CCDC50: variants seen among roughly 807,000 people sequenced by gnomAD.
CCDC50 encodes the protein coiled-coil domain-containing protein 50.
In CCDC50, 54 loss-of-function variants were observed where a neutral mutation model predicts 70.2. That is an observed-to-expected ratio of 0.77 (90% CI 0.62 to 0.96). The LOEUF (loss-of-function observed/expected upper bound fraction) is 0.96, where lower values mean the gene tolerates loss of function less well. CCDC50 is among the 50% of genes least tolerant of loss of function. CCDC50 has a pLI of 0.00. For missense variants in CCDC50, 558 were observed against 578.7 expected (o/e 0.96, Z 0.37); for synonymous variants, 216 against 198.8 (o/e 1.09, Z -0.73).
chr3:191,372,352 A>C (rs1350332362), intron 5 of CCDC50, among the ~76,000 whole-genome samples: 1 of 152,178 alleles, frequency 6.6e-6, no homozygotes, highest in Non-Finnish European at 1.5e-5. Flanking sequence ...CTCTTGCCTC[A>C]GCTGTGTTGT....
At chr3:191,391,617 C>A in intron 11 of CCDC50, 124 bp from the exon 12 acceptor site, 1 of 857,046 alleles carries the variant, frequency 1.2e-6, no homozygotes, top group Non-Finnish European at 1.9e-6. Context: ...ATGTCACAAT[C>A]AAGAATAAAG....
chr3:191,329,419 T>A lies in CCDC50; in HGVS notation c.-256T>A, dbSNP rs189322853. 3.2e-4 allele frequency: 135 copies of A among 422,738 alleles called. 1 individual carries two copies. In the East Asian group the frequency reaches 5.2e-3, roughly 16 times the overall value. The allele number at this position is 422,738 out of a possible 1,614,324, so 26.2% of individuals were successfully genotyped here. A position where few individuals can be genotyped will look rare whatever the true frequency, so the allele number is the denominator to read the frequency against. The stretch of plus-strand genomic sequence containing the variant: ...ATTTCCGGGCTCCGGATATTTGGTA[T>A]CGATTGGGGCCGGGGACGCGGAGCA... On this transcript the variant is annotated 5_prime_UTR_variant, in exon 1 of 12. Coordinates refer to ENST00000392455, the MANE Select transcript of CCDC50 (RefSeq NM_178335.3).
At chr3:191,357,936 T>C in intron 2 of CCDC50, 62 bp from the exon 3 acceptor site, 1 of 1,602,724 alleles carries the variant, frequency 6.2e-7, no homozygotes, top group Non-Finnish European at 8.5e-7. Context: ...AAGATTATTA[T>C]GGCATTTATT....
Position 191,391,883 on chromosome 3 carries a change from C to A in CCDC50, c.*123C>A. 1 of 813,452 alleles carries A rather than the reference C, an allele frequency of 1.2e-6. No homozygotes were observed. Among genetic ancestry groups the A allele is most frequent in the Non-Finnish European group, 2.0e-6 (1 of 491,688 alleles). The allele number at this position is 813,452 out of a possible 1,614,324, so 50.4% of individuals were successfully genotyped here. A position where few individuals can be genotyped will look rare whatever the true frequency, so the allele number is the denominator to read the frequency against. ...CATTCCTGGGATTTATCCTCAAGTG[C>A]ATTTCTGACCATAAGTAATTTTAAT... On this transcript the variant is annotated 3_prime_UTR_variant, in exon 12 of 12. Transcript: ENST00000392455.
intron 1 of CCDC50, among the ~76,000 whole-genome samples, chr3:191,331,313 CT>C (rs1341629451): frequency 1.3e-5 from 2 of 152,142 alleles, no homozygotes; most frequent in African/African-American, 4.8e-5. Context: ...AAACATAAAA[CT>C]CTTCATATAC....
chr3:191,340,711 G>T (rs547500204), intron 1 of CCDC50, among the ~76,000 whole-genome samples: 8 of 152,166 alleles, frequency 5.3e-5, no homozygotes, highest in Non-Finnish European at 1.2e-4. Flanking sequence ...CTTAACTCAG[G>T]CCTACAATGT....
At position 191,391,875 on chromosome 3, in the gene CCDC50, C is replaced by G. The variant is rs889753882; in HGVS notation, c.*115C>G. ...TGTGTTTGCATTCCTGGGATTTATC[C>G]TCAAGTGCATTTCTGACCATAAGTA... On this transcript the variant is annotated 3_prime_UTR_variant, in exon 12 of 12. Coordinates refer to ENST00000392455, the MANE Select transcript of CCDC50 (RefSeq NM_178335.3). 6.6e-6 allele frequency: 6 copies of G among 911,284 alleles called. No individual in the cohort carries two copies. Among genetic ancestry groups the G allele is most frequent in the Admixed American group, 2.2e-5 (1 of 46,300 alleles). The allele number at this position is 911,284 out of a possible 1,614,324, so 56.4% of individuals were successfully genotyped here. A position where few individuals can be genotyped will look rare whatever the true frequency, so the allele number is the denominator to read the frequency against.
chr3:191,384,439 T>A (rs1713421642), intron 10 of CCDC50, among the ~76,000 whole-genome samples: 1 of 141,634 alleles, frequency 7.1e-6, no homozygotes, highest in Non-Finnish European at 1.6e-5. Context: ...TCACATTTAA[T>A]CATGATGGAA....
Position 191,395,158 on chromosome 3 carries a change from C to G in CCDC50, c.*3398C>G, listed in dbSNP as rs376748783. On this transcript the variant is annotated 3_prime_UTR_variant, in exon 12 of 12. Transcript: ENST00000392455. ...TTGGGCTTTGTGTTTACTGAACTCACTCTAGAAAATTCTGGACCTGATTCA... is the reference window on the plus strand; with the variant it reads ...TTGGGCTTTGTGTTTACTGAACTCAGTCTAGAAAATTCTGGACCTGATTCA... 7.0e-6 allele frequency: 1 copy of G among 143,664 alleles called. No individual in the cohort carries two copies. The highest frequency in any genetic ancestry group is 2.2e-4 in the South Asian group (1 of 4,484). The allele number at this position is 143,664 out of a possible 1,614,324, so 8.9% of individuals were successfully genotyped here.
At chr3:191,381,509 A>G (rs1009519258) in intron 9 of CCDC50, among the ~76,000 whole-genome samples, 3 of 152,130 alleles carry the variant, frequency 2.0e-5, no homozygotes, top group African/African-American at 7.2e-5. Context: ...AGTTACTGCA[A>G]TTCATTTTGC....
At chr3:191,364,349 G>C (rs899822425) in intron 4 of CCDC50, among the ~76,000 whole-genome samples, 1 of 151,292 alleles carries the variant, frequency 6.6e-6, no homozygotes, top group Non-Finnish European at 1.5e-5. Flanking sequence ...TTATAGGTAC[G>C]AGCCACCGCG....
intron 4 of CCDC50, among the ~76,000 whole-genome samples, chr3:191,362,173 G>A (rs888011252): frequency 1.3e-5 from 2 of 152,026 alleles, no homozygotes; most frequent in African/African-American, 4.8e-5. Context: ...CATCACCCAG[G>A]GTGGAGTGCA....
chr3:191,365,023 T>A lies in CCDC50; in HGVS notation c.330+3864T>A, dbSNP rs1320344433. Among the ~76,000 whole-genome samples the A allele has an allele frequency of 2.0e-5, 3 of 152,198 alleles. No homozygotes were observed. In the East Asian group the frequency reaches 5.8e-4, roughly 29 times the overall value. On this transcript the variant is annotated intron_variant, in intron 4 of 11. Transcript: ENST00000392455. ...TAAAAATGGGTTAAGGTTAATCAGTTAATTTAACTTAGTTATTCTTAACTA... is the reference window on the plus strand; with the variant it reads ...TAAAAATGGGTTAAGGTTAATCAGTAAATTTAACTTAGTTATTCTTAACTA...
At chr3:191,369,859 C>A in intron 4 of CCDC50, 60 bp from the exon 5 acceptor site, 1 of 1,199,312 alleles carries the variant, frequency 8.3e-7, no homozygotes, top group Non-Finnish European at 1.2e-6. Context: ...CAAGCCCCAC[C>A]ATATGGAGTT....
intron 1 of CCDC50, among the ~76,000 whole-genome samples, chr3:191,331,640 C>G (rs1487446898): frequency 6.6e-6 from 1 of 152,120 alleles, no homozygotes; most frequent in Non-Finnish European, 1.5e-5. Context: ...TCTGACTTTT[C>G]TAGTTCCAAG....
chr3:191,393,458 A>G lies in CCDC50; in HGVS notation c.*1698A>G, dbSNP rs1713762908. The G allele has an allele frequency of 1.3e-5, 2 of 152,168 alleles. No individual in the cohort carries two copies. Among genetic ancestry groups the G allele is most frequent in the African/African-American group, 4.8e-5 (2 of 41,440 alleles). The allele number at this position is 152,168 out of a possible 1,614,324, so 9.4% of individuals were successfully genotyped here. ...AAAGTTGGGCAATATTCAGGCAGCT[A>G]TTTAGAACAGTTTCTCAGAGTGGAT... On this transcript the variant is annotated 3_prime_UTR_variant, in exon 12 of 12. Transcript: ENST00000392455.
At chr3:191,385,323 A>G (rs1713450609) in intron 10 of CCDC50, among the ~76,000 whole-genome samples, 1 of 152,080 alleles carries the variant, frequency 6.6e-6, no homozygotes, top group African/African-American at 2.4e-5. Flanking sequence ...CCATGCTAAC[A>G]TCTGTTATTG....
chr3:191,361,281 ATT>A, intron 4 of CCDC50, 122 bp downstream of exon 4: 1 of 725,450 alleles, frequency 1.4e-6, no homozygotes, highest in Non-Finnish European at 2.5e-6. Context: ...AATGCCTCTT[ATT>A]TGGGCTGCAT....
chr3:191,346,184 C>T (rs377671483), intron 1 of CCDC50, among the ~76,000 whole-genome samples: 33 of 152,268 alleles, frequency 2.2e-4, no homozygotes, highest in African/African-American at 7.9e-4. Flanking sequence ...GCTACTACAA[C>T]TGATTTTCTT....
Sources: gnomAD v4.1 joint callset for allele counts (sites outside exome capture counted in the v4.1 genomes callset) on GRCh38, gnomAD v4.1.1 for gene constraint, MANE v1.5 for transcripts, NCBI Gene and HGNC (gene_info 2026-07-23, HGNC 2026-07-21) for gene names.